PTCHD4: variants seen among roughly 807,000 people sequenced by gnomAD.
The protein encoded by PTCHD4 is patched domain-containing protein 4.
Under a neutral mutation model 58.1 loss-of-function variants are expected in PTCHD4, and 33 were observed. The observed-to-expected ratio is 0.57, with a 90% CI of 0.43 to 0.76. PTCHD4 has a LOEUF of 0.76. Among genes scored for constraint, PTCHD4 ranks in the 30% least tolerant of loss-of-function variants. The pLI is 0.00. For synonymous variants in PTCHD4, 478 were observed against 409.6 expected (o/e 1.17, Z -2.02); for missense variants, 1,058 against 1,027.1 (o/e 1.03, Z -0.41).
At position 47,874,605 on chromosome 6, in the gene PTCHD4, T is replaced by C. The variant is rs1386951273; in HGVS notation, c.*3698A>G. Among the ~76,000 whole-genome samples the C allele has an allele frequency of 6.6e-6, 1 of 151,784 alleles. No homozygotes were observed. The highest frequency in any genetic ancestry group is 1.5e-5 in the Non-Finnish European group (1 of 67,804). ...TACAAAATGGACAAAGCTTTTACTG[T>C]CTTGAATTTAACATTCAAGAATAAC... On this transcript the variant is annotated 3_prime_UTR_variant, in exon 5 of 5. Transcript: ENST00000339488.
At chr6:48,048,382 T>C (rs1764113233) in intron 3 of PTCHD4, among the ~76,000 whole-genome samples, 1 of 152,000 alleles carries the variant, frequency 6.6e-6, no homozygotes, top group Admixed American at 6.6e-5. Flanking sequence ...AAATATTTTT[T>C]AGAAAGTTCA....
intron 4 of PTCHD4, among the ~76,000 whole-genome samples, chr6:47,975,169 C>T (rs1003981385): frequency 6.6e-6 from 1 of 152,106 alleles, no homozygotes; most frequent in Non-Finnish European, 1.5e-5. Flanking sequence ...AGTTATAGCA[C>T]GTGCTTTGTT....
intron 4 of PTCHD4, among the ~76,000 whole-genome samples, chr6:47,947,057 A>ACTCCTGACACCAAGTGATC (rs1766450559): frequency 6.6e-6 from 1 of 151,610 alleles, no homozygotes; most frequent in Admixed American, 6.6e-5. Context: ...CTGGTCTGAG[A>ACTCCTGACACCAAGTGATC]CTCCTGACAC....
chr6:48,082,043 C>T (rs1765178693), intron 1 of PTCHD4, among the ~76,000 whole-genome samples: 1 of 152,134 alleles, frequency 6.6e-6, no homozygotes. Flanking sequence ...TGTTCTTGGC[C>T]TATTTTGGAT....
At chr6:47,941,816 T>A (rs1047914130) in intron 4 of PTCHD4, among the ~76,000 whole-genome samples, 1 of 152,172 alleles carries the variant, frequency 6.6e-6, no homozygotes, top group Non-Finnish European at 1.5e-5. Context: ...ACTACTAAGA[T>A]TTTTTTCTAA....
chr6:47,988,395 G>T (rs986415469), intron 4 of PTCHD4, among the ~76,000 whole-genome samples: 1 of 152,118 alleles, frequency 6.6e-6, no homozygotes, highest in South Asian at 2.1e-4. Context: ...AAGAAACAGG[G>T]TGATTGAGTC....
At chr6:48,044,931 A>G (rs941176054) in intron 3 of PTCHD4, among the ~76,000 whole-genome samples, 3 of 151,848 alleles carry the variant, frequency 2.0e-5, no homozygotes, top group Admixed American at 6.6e-5. Flanking sequence ...AGCCGAATTT[A>G]TATCTTAGTG....
chr6:47,950,410 G>C (rs757273987), intron 4 of PTCHD4, among the ~76,000 whole-genome samples: 6 of 152,114 alleles, frequency 3.9e-5, no homozygotes, highest in Non-Finnish European at 8.8e-5. Context: ...GAACAGTGTA[G>C]GTAGGAAGAA....
At chr6:48,058,035 C>T (rs984957649) in intron 3 of PTCHD4, among the ~76,000 whole-genome samples, 1 of 152,192 alleles carries the variant, frequency 6.6e-6, no homozygotes, top group Non-Finnish European at 1.5e-5. Context: ...GACTTTGGTT[C>T]TGAGCATTGG....
At chr6:48,063,075 A>G (rs1346933521) in intron 3 of PTCHD4, among the ~76,000 whole-genome samples, 1 of 152,052 alleles carries the variant, frequency 6.6e-6, no homozygotes, top group Non-Finnish European at 1.5e-5. Context: ...CTATCCCATA[A>G]ATTTTTTTTT....
At chr6:48,101,760 C>T (rs984027183) in intron 1 of PTCHD4, among the ~76,000 whole-genome samples, 1 of 152,150 alleles carries the variant, frequency 6.6e-6, no homozygotes, top group Non-Finnish European at 1.5e-5. Context: ...CCTTGTAGGT[C>T]CTACTGTGGA....
At chr6:48,108,035 C>G (rs542726855) in intron 1 of PTCHD4, among the ~76,000 whole-genome samples, 1 of 152,082 alleles carries the variant, frequency 6.6e-6, no homozygotes, top group Non-Finnish European at 1.5e-5. Flanking sequence ...TTGTGGAAGT[C>G]AGTGTGGCGA....
intron 3 of PTCHD4, among the ~76,000 whole-genome samples, chr6:48,058,312 G>C (rs1212253529): frequency 1.3e-5 from 2 of 152,252 alleles, no homozygotes; most frequent in Non-Finnish European, 2.9e-5. Context: ...CCCAGGTGAT[G>C]ACAATGCTGC....
At chr6:47,933,288 C>A (rs1765884949) in intron 4 of PTCHD4, among the ~76,000 whole-genome samples, 1 of 152,188 alleles carries the variant, frequency 6.6e-6, no homozygotes, top group Non-Finnish European at 1.5e-5. Context: ...GATGCATTTT[C>A]TAAGAGCAAG....
chr6:47,983,386 G>A (rs901019776), intron 4 of PTCHD4, among the ~76,000 whole-genome samples: 4 of 152,032 alleles, frequency 2.6e-5, no homozygotes, highest in African/African-American at 7.2e-5. Context: ...CAAGACAAAC[G>A]TTTAGTTCTC....
At chr6:48,079,644 C>T (rs921238062) in intron 1 of PTCHD4, among the ~76,000 whole-genome samples, 1 of 150,604 alleles carries the variant, frequency 6.6e-6, no homozygotes, top group African/African-American at 2.4e-5. Flanking sequence ...GAGTGTTTGA[C>T]CCCTGACATT....
At position 48,044,241 on chromosome 6, in the gene PTCHD4, C is replaced by T. The variant is rs186077692; in HGVS notation, c.417+23989G>A. Among the ~76,000 whole-genome samples, 7 of 151,982 alleles carry T rather than the reference C, an allele frequency of 4.6e-5. No homozygotes were observed. The East Asian group carries it at 1.4e-3, about 29-fold the overall frequency. On this transcript the variant is annotated intron_variant, in intron 3 of 4. Transcript: ENST00000339488. ...TCCCTCCTGTCAGAAAGTTTTGACA[C>T]ACCATGAGGGTATTCTGCTGTTATC...
chr6:47,868,441 G>A lies in PTCHD4; in HGVS notation c.*9862C>T, dbSNP rs1763630057. On this transcript the variant is annotated 3_prime_UTR_variant, in exon 5 of 5. Transcript: ENST00000339488. ...AAGCTTCTGAATATGGGCTCTCAAA[G>A]ATTGAAATTATTAAATAACCTCCTT... Among the ~76,000 whole-genome samples, 2 of 151,674 alleles carry A rather than the reference G, an allele frequency of 1.3e-5. No homozygotes were observed. Among genetic ancestry groups the A allele is most frequent in the Non-Finnish European group, 2.9e-5 (2 of 67,804 alleles).
rs985996446 is a variant in PTCHD4, at chr6:47,884,917, G to A, written c.899-4981C>T. On this transcript the variant is annotated intron_variant, in intron 4 of 4. Transcript: ENST00000339488. The stretch of plus-strand genomic sequence containing the variant: ...GACAAAAACCCCTGTAAACTATGAA[G>A]AGGTAGTTGTGTGTTTAAAGTTTAT... 4.6e-5 allele frequency among the ~76,000 whole-genome samples: 7 copies of A among 152,286 alleles called. No individual in the cohort carries two copies. In the South Asian group the frequency reaches 1.2e-3, roughly 27 times the overall value.
Sources: gnomAD v4.1 joint callset for allele counts (sites outside exome capture counted in the v4.1 genomes callset) on GRCh38, gnomAD v4.1.1 for gene constraint, MANE v1.5 for transcripts, NCBI Gene and HGNC (gene_info 2026-07-23, HGNC 2026-07-21) for gene names.